Variants in PTPRM observed in about 807,000 individuals in gnomAD.
The protein encoded by PTPRM is receptor-type tyrosine-protein phosphatase mu.
Under a neutral mutation model 186.7 loss-of-function variants are expected in PTPRM, and 47 were observed. The observed-to-expected ratio is 0.25, with a 90% CI of 0.20 to 0.32. The LOEUF (loss-of-function observed/expected upper bound fraction) is 0.32. PTPRM is among the 10% of genes least tolerant of loss of function. PTPRM has a pLI of 1.00. For synonymous variants in PTPRM, 668 were observed against 674.9 expected (o/e 0.99, Z 0.16); for missense variants, 1,494 against 1,865.0 (o/e 0.80, Z 3.66).
chr18:7,911,193 G>A (rs927186800), intron 4 of PTPRM, among the ~76,000 whole-genome samples: 1 of 152,174 alleles, frequency 6.6e-6, no homozygotes, highest in Non-Finnish European at 1.5e-5. Flanking sequence ...GGACATTCAG[G>A]TTGTTTCACC....
chr18:7,601,717 T>A (rs2037407992), intron 1 of PTPRM, among the ~76,000 whole-genome samples: 1 of 152,230 alleles, frequency 6.6e-6, no homozygotes. Flanking sequence ...AAAAGACCGC[T>A]TTATCAAGTA....
intron 13 of PTPRM, among the ~76,000 whole-genome samples, chr18:8,141,687 G>A (rs997710728): frequency 7.9e-5 from 12 of 152,102 alleles, no homozygotes; most frequent in Admixed American, 2.6e-4. Context: ...ACATAACTTA[G>A]TTACAAAACA....
chr18:7,972,579 C>T (rs1284839374), intron 7 of PTPRM, among the ~76,000 whole-genome samples: 2 of 139,710 alleles, frequency 1.4e-5, no homozygotes, highest in Non-Finnish European at 3.0e-5. Flanking sequence ...AAAAAATATA[C>T]ATATTAAAAT....
chr18:7,836,090 A>C (rs1330890704), intron 2 of PTPRM, among the ~76,000 whole-genome samples: 1 of 152,050 alleles, frequency 6.6e-6, no homozygotes, highest in Non-Finnish European at 1.5e-5. Flanking sequence ...TTAGTCCTTT[A>C]CATTCAATGT....
intron 14 of PTPRM, among the ~76,000 whole-genome samples, chr18:8,237,431 A>ATTTT (rs59073560): frequency 0.01 from 743 of 71,638 alleles, 68 homozygotes; most frequent in Middle Eastern, 0.045. Flanking sequence ...GATTCCCTCA[A>ATTTT]TTTTTTTTTT....
intron 1 of PTPRM, among the ~76,000 whole-genome samples, chr18:7,574,832 C>T (rs2036646605): frequency 6.6e-6 from 1 of 152,154 alleles, no homozygotes; most frequent in African/African-American, 2.4e-5. Flanking sequence ...GAGACGGAGA[C>T]CATCCTGGCT....
chr18:7,945,244 G>A (rs1319263700), intron 5 of PTPRM, among the ~76,000 whole-genome samples: 4 of 151,020 alleles, frequency 2.6e-5, no homozygotes, highest in African/African-American at 9.8e-5. Flanking sequence ...ATGAGGTCAG[G>A]AGATTGAGAC....
chr18:8,383,680 T>G (rs1223637622), intron 29 of PTPRM, among the ~76,000 whole-genome samples: 1 of 152,246 alleles, frequency 6.6e-6, no homozygotes, highest in Non-Finnish European at 1.5e-5. Flanking sequence ...GCAAAGCATT[T>G]ATTCTTATTA....
intron 2 of PTPRM, among the ~76,000 whole-genome samples, chr18:7,858,229 G>A (rs1161684645): frequency 6.6e-6 from 1 of 152,184 alleles, no homozygotes; most frequent in East Asian, 1.9e-4. Context: ...ATGTGGCACT[G>A]AGAAACTGCA....
At chr18:7,973,966 TAAA>T (rs571394683) in intron 7 of PTPRM, among the ~76,000 whole-genome samples, 1 of 140,234 alleles carries the variant, frequency 7.1e-6, no homozygotes. Flanking sequence ...GAGATTCTGG[TAAA>T]AAAAAAAAAA....
intron 19 of PTPRM, 60 bp from the exon 20 acceptor site, chr18:8,296,308 C>T (rs760115853): frequency 1.4e-5 from 15 of 1,062,566 alleles, no homozygotes; most frequent in African/African-American, 3.1e-5. Flanking sequence ...CATCCTCCAT[C>T]GTTAAGATCC....
chr18:7,783,632 C>T (rs1488128318), intron 2 of PTPRM, among the ~76,000 whole-genome samples: 1 of 151,838 alleles, frequency 6.6e-6, no homozygotes, highest in Non-Finnish European at 1.5e-5. Context: ...AGTGCAGTGG[C>T]GTGATCATAG....
chr18:7,619,438 G>C (rs1424128192), intron 1 of PTPRM, among the ~76,000 whole-genome samples: 1 of 152,160 alleles, frequency 6.6e-6, no homozygotes, highest in Non-Finnish European at 1.5e-5. Flanking sequence ...GTAAAATAAA[G>C]AATATTTTCA....
intron 7 of PTPRM, among the ~76,000 whole-genome samples, chr18:8,034,190 C>T (rs548911247): frequency 2.5e-4 from 38 of 151,570 alleles, no homozygotes; most frequent in African/African-American, 9.0e-4. Flanking sequence ...GGTTTTGAGA[C>T]ACAGACTTAT....
At chr18:7,605,419 T>TC (rs10654388) in intron 1 of PTPRM, among the ~76,000 whole-genome samples, 26,293 of 149,572 alleles carry the variant, frequency 0.18, 3,361 homozygotes, top group East Asian at 0.58. Context: ...AGCAAAAATG[T>TC]CCCCCCCCCA....
chr18:7,692,933 C>G (rs547720868), intron 1 of PTPRM, among the ~76,000 whole-genome samples: 1 of 152,082 alleles, frequency 6.6e-6, no homozygotes, highest in Non-Finnish European at 1.5e-5. Context: ...AGAACAAAAC[C>G]TTGGAAGTTA....
chr18:8,287,673 C>T (rs749987583), intron 19 of PTPRM, among the ~76,000 whole-genome samples: 18 of 152,172 alleles, frequency 1.2e-4, no homozygotes, highest in Non-Finnish European at 2.4e-4. Flanking sequence ...TGCACAGGCT[C>T]ACTGTCAAAG....
intron 19 of PTPRM, among the ~76,000 whole-genome samples, chr18:8,260,335 T>G (rs1257708134): frequency 6.6e-6 from 1 of 152,028 alleles, no homozygotes; most frequent in African/African-American, 2.4e-5. Context: ...GCTAACTTTT[T>G]TAATTTTTTG....
Position 8,384,581 on chromosome 18 carries a change from A to C in PTPRM, c.3939A>C (p.Pro1313=). The C allele has an allele frequency of 6.2e-7, 1 of 1,614,256 alleles. No individual in the cohort carries two copies. Among genetic ancestry groups the C allele is most frequent in the Non-Finnish European group, 8.5e-7 (1 of 1,180,042 alleles). ...DPAQLCPQYW[P]ENGVHRHGPI... ...TTCAGTTGTGTCCACAGTACTGGCC[A>C]GAAAACGGAGTACACAGACACGGCC... Residue 1313 remains proline (P), a synonymous_variant, in exon 30 of 33, where the codon CCA becomes CCC. Transcript: ENST00000580170.
Sources: gnomAD v4.1 joint callset for allele counts (sites outside exome capture counted in the v4.1 genomes callset) on GRCh38, gnomAD v4.1.1 for gene constraint, MANE v1.5 for transcripts, NCBI Gene and HGNC (gene_info 2026-07-23, HGNC 2026-07-21) for gene names.